Variants in NLGN4X observed in about 807,000 individuals in gnomAD.
NLGN4X encodes the protein neuroligin-4, X-linked.
A neutral mutation model predicts 40.3 loss-of-function variants in NLGN4X; 3 were observed. That is an observed-to-expected ratio of 0.07 (90% CI 0.03 to 0.19). NLGN4X has a LOEUF of 0.19. Among genes scored for constraint, NLGN4X ranks in the 10% least tolerant of loss-of-function variants. The pLI, the probability that NLGN4X is intolerant of heterozygous loss-of-function variation, is 1.00. For synonymous variants in NLGN4X, 270 were observed against 306.8 expected (o/e 0.88, Z 1.25); for missense variants, 382 against 708.3 (o/e 0.54, Z 5.23).
At chrX:6,030,653 T>C (rs749105212) in intron 2 of NLGN4X, among the ~76,000 whole-genome samples, 1 of 111,125 alleles carries the variant, frequency 9.0e-6, no homozygotes, top group Admixed American at 9.6e-5. Flanking sequence ...GACATACCCA[T>C]TGGTCACAGT....
chrX:5,980,526 G>T (rs1383664772), intron 3 of NLGN4X, among the ~76,000 whole-genome samples: 1 of 101,286 alleles, frequency 9.9e-6, no homozygotes, highest in Non-Finnish European at 2.0e-5. Flanking sequence ...TTTACATCTA[G>T]GTATTTGACT....
intron 2 of NLGN4X, among the ~76,000 whole-genome samples, chrX:6,141,301 G>A (rs958888667): frequency 9.0e-6 from 1 of 111,572 alleles, no homozygotes; most frequent in Non-Finnish European, 1.9e-5. Context: ...ATGGCTTCCA[G>A]TACCCCACTC....
intron 1 of NLGN4X, among the ~76,000 whole-genome samples, chrX:6,214,881 C>A (rs1399102812): frequency 1.8e-5 from 2 of 111,872 alleles, no homozygotes; most frequent in African/African-American, 6.5e-5. Context: ...ATTAACACTT[C>A]AAAAAATGTA....
At position 5,903,640 on chromosome X, in the gene NLGN4X, G is replaced by T; in HGVS notation, c.1038C>A (p.Gly346=). The part of the protein sequence containing the change: ...YHIAFGPVID[G]DVIPDDPQIL... ...TCTGGGGGTCGTCTGGGATGACGTC[G>T]CCGTCGATCACCGGCCCGAAGGCTA... Residue 346 remains glycine, a synonymous_variant, in exon 5 of 6, where the codon GGC becomes GGA. Coordinates refer to ENST00000381095, the MANE Select transcript of NLGN4X (RefSeq NM_181332.3). The T allele has an allele frequency of 8.3e-7, 1 of 1,211,727 alleles. No homozygotes were observed. Among genetic ancestry groups the T allele is most frequent in the Non-Finnish European group, 1.1e-6 (1 of 895,554 alleles).
chrX:5,952,877 C>G (rs1179240829), intron 3 of NLGN4X, among the ~76,000 whole-genome samples: 1 of 111,400 alleles, frequency 9.0e-6, no homozygotes, highest in African/African-American at 3.3e-5. Context: ...TTGCAATGCT[C>G]TGATATTAAA....
chrX:6,193,774 A>G (rs189984759), intron 1 of NLGN4X, among the ~76,000 whole-genome samples: 297 of 112,023 alleles, frequency 2.7e-3, no homozygotes, highest in African/African-American at 9.1e-3. Flanking sequence ...GAGGTTTCCA[A>G]TGGGCAACTC....
chrX:6,042,484 A>C (rs2037183648), intron 2 of NLGN4X, among the ~76,000 whole-genome samples: 1 of 106,328 alleles, frequency 9.4e-6, no homozygotes, highest in Non-Finnish European at 1.9e-5. Context: ...CAGCTGATAG[A>C]CAATATTATC....
chrX:6,205,957 T>C (rs1455151598), intron 1 of NLGN4X, among the ~76,000 whole-genome samples: 1 of 111,933 alleles, frequency 8.9e-6, no homozygotes, highest in African/African-American at 3.2e-5. Flanking sequence ...TCCCTAATCA[T>C]GGTTTAAAAT....
intron 3 of NLGN4X, among the ~76,000 whole-genome samples, chrX:5,926,310 C>T (rs1023699867): frequency 4.5e-5 from 5 of 110,258 alleles, no homozygotes; most frequent in African/African-American, 1.3e-4. Flanking sequence ...AATAAATTAC[C>T]TAGTGTCCAG....
At chrX:6,153,851 G>C (rs746348045) in intron 1 of NLGN4X, among the ~76,000 whole-genome samples, 1 of 112,369 alleles carries the variant, frequency 8.9e-6, no homozygotes, top group South Asian at 3.7e-4. Flanking sequence ...ACAAGGTCCT[G>C]ATGGGCAGTG....
At chrX:6,202,737 G>T (rs1923734532) in intron 1 of NLGN4X, among the ~76,000 whole-genome samples, 1 of 111,806 alleles carries the variant, frequency 8.9e-6, no homozygotes, top group African/African-American at 3.3e-5. Context: ...ATCTCTCAAA[G>T]TCTATTGATT....
At chrX:5,935,380 C>T (rs1348420967) in intron 3 of NLGN4X, among the ~76,000 whole-genome samples, 1 of 111,868 alleles carries the variant, frequency 8.9e-6, no homozygotes, top group Non-Finnish European at 1.9e-5. Flanking sequence ...CATAATGATA[C>T]AACATTGGAA....
At chrX:6,044,764 G>C (rs112636528) in intron 2 of NLGN4X, among the ~76,000 whole-genome samples, 1 of 111,719 alleles carries the variant, frequency 9.0e-6, no homozygotes, top group African/African-American at 3.3e-5. Context: ...ATGGGGGCAG[G>C]GGATATATGA....
At chrX:6,202,266 C>A (rs1473655042) in intron 1 of NLGN4X, among the ~76,000 whole-genome samples, 5 of 110,158 alleles carry the variant, frequency 4.5e-5, no homozygotes, top group Non-Finnish European at 9.5e-5. Flanking sequence ...ATAAGAGTAC[C>A]TGCTCTTGAA....
At position 5,891,370 on chromosome X, in the gene NLGN4X, T is replaced by C. The variant is rs984337591; in HGVS notation, c.*1447A>G. The C allele has an allele frequency of 2.3e-5, 5 of 218,419 alleles. No homozygotes were observed. The highest frequency in any genetic ancestry group is 2.5e-5 in the Non-Finnish European group (3 of 120,552). The allele number at this position is 218,419 out of a possible 1,213,427, so 18.0% of individuals were successfully genotyped here. A position where few individuals can be genotyped will look rare whatever the true frequency, so the allele number is the denominator to read the frequency against. On this transcript the variant is annotated 3_prime_UTR_variant, in exon 6 of 6. Coordinates refer to ENST00000381095, the MANE Select transcript of NLGN4X (RefSeq NM_181332.3). The stretch of plus-strand genomic sequence containing the variant: ...ATACACAAATCCACAAAAAGTGATG[T>C]TTTCAGACAATCATATGTTTGATCC...
chrX:5,985,436 T>A (rs112287555), intron 3 of NLGN4X, among the ~76,000 whole-genome samples: 26,484 of 108,546 alleles, frequency 0.24, 2,623 homozygotes, highest in African/African-American at 0.36. Context: ...AATTTATTTT[T>A]TTTATTTATT....
chrX:6,134,561 C>T (rs1039428457), intron 2 of NLGN4X, among the ~76,000 whole-genome samples: 5 of 112,302 alleles, frequency 4.5e-5, no homozygotes, highest in African/African-American at 1.3e-4. Flanking sequence ...GATGGAACAA[C>T]ATTTAGCAAA....
At chrX:6,044,320 G>A (rs2037257457) in intron 2 of NLGN4X, among the ~76,000 whole-genome samples, 2 of 110,564 alleles carry the variant, frequency 1.8e-5, no homozygotes, top group Admixed American at 1.9e-4. Flanking sequence ...CTCTCTTTCA[G>A]TGTGACTGTG....
At chrX:5,960,455 C>A (rs1441339632) in intron 3 of NLGN4X, among the ~76,000 whole-genome samples, 2 of 110,913 alleles carry the variant, frequency 1.8e-5, no homozygotes, top group Non-Finnish European at 3.8e-5. Context: ...ATTTTAAAAG[C>A]AATATTTCAA....
Sources: allele counts gnomAD v4.1 joint callset (sites outside exome capture counted in the v4.1 genomes callset), GRCh38; gene constraint gnomAD v4.1.1; transcripts MANE v1.5; gene names NCBI Gene and HGNC (gene_info 2026-07-23, HGNC 2026-07-21).